The following MYLK4 variants were observed in gnomAD, a reference collection of about 807,000 sequenced individuals.
MYLK4 encodes the protein caMLCK like.
MYLK4 carries 46 observed loss-of-function variants against 48.1 expected under a neutral mutation model. That is an observed-to-expected ratio of 0.96 (90% confidence interval 0.75 to 1.22). The LOEUF (loss-of-function observed/expected upper bound fraction) is 1.22, where lower values mean the gene tolerates loss of function less well. Among genes scored for constraint, MYLK4 ranks in the 50% most tolerant of loss-of-function variants. MYLK4 has a pLI of 0.00. For missense variants in MYLK4, 451 were observed against 486.1 expected (o/e 0.93, Z 0.68); for synonymous variants, 170 against 180.8 (o/e 0.94, Z 0.48).
intron 2 of MYLK4, among the ~76,000 whole-genome samples, chr6:2,720,959 G>A (rs565645705): frequency 2.6e-5 from 4 of 152,048 alleles, no homozygotes; most frequent in East Asian, 3.9e-4. Flanking sequence ...TCAGGAGTTG[G>A]AGACCAGCCT....
chr6:2,768,022 TAAC>T, the MYLK4 span, among the ~76,000 whole-genome samples: 18 of 152,336 alleles, frequency 1.2e-4, no homozygotes, highest in South Asian at 1.2e-3. Context: ...TTAGTACTAA[TAAC>T]AACATTCATA....
At chr6:2,760,180 TAAC>T in the MYLK4 span, among the ~76,000 whole-genome samples, 30 of 152,148 alleles carry the variant, frequency 2.0e-4, 1 homozygote, top group African/African-American at 7.3e-4. Context: ...TACAGTATAA[TAAC>T]TACTTATATA....
intron 2 of MYLK4, 122 bp downstream of exon 2, chr6:2,749,014 G>C: frequency 1.2e-6 from 1 of 863,926 alleles, no homozygotes. Context: ...TCTCACTGAA[G>C]CAAAGTGGAA....
intron 2 of MYLK4, among the ~76,000 whole-genome samples, chr6:2,738,964 C>T (rs1474343445): frequency 1.3e-5 from 2 of 152,182 alleles, no homozygotes; most frequent in African/African-American, 4.8e-5. Context: ...ATATGTCCCA[C>T]TCTATTGGGA....
At chr6:2,764,503 T>C in the MYLK4 span, among the ~76,000 whole-genome samples, 1 of 152,198 alleles carries the variant, frequency 6.6e-6, no homozygotes, top group Non-Finnish European at 1.5e-5. Flanking sequence ...ATTTACCTCT[T>C]CTAGTTACCA....
chr6:2,740,672 G>A (rs1763869874), intron 2 of MYLK4, among the ~76,000 whole-genome samples: 1 of 152,194 alleles, frequency 6.6e-6, no homozygotes. Flanking sequence ...CTTGGGCTCT[G>A]CTTTCTGGTA....
At chr6:2,767,208 C>T in the MYLK4 span, among the ~76,000 whole-genome samples, 9 of 152,090 alleles carry the variant, frequency 5.9e-5, no homozygotes, top group Non-Finnish European at 1.2e-4. Flanking sequence ...GAAAGCATGT[C>T]ATTGGAAAAA....
chr6:2,765,599 G>A, the MYLK4 span: 5 of 1,489,350 alleles, frequency 3.4e-6, no homozygotes, highest in Non-Finnish European at 3.5e-6. Context: ...GCCGCGCCGG[G>A]CGCCGGGGAG....
In MYLK4 at chr6:2,692,817, G is replaced by T; in HGVS notation, c.202C>A (p.Pro68Thr). 1 of 1,613,556 alleles carries T rather than the reference G, an allele frequency of 6.2e-7. No individual in the cohort carries two copies. Among genetic ancestry groups the T allele is most frequent in the Non-Finnish European group, 8.5e-7 (1 of 1,179,790 alleles). ...WSNADLTERMPVKSKRTSALA... is the reference protein window; with the variant it reads ...WSNADLTERMTVKSKRTSALA... Reference sequence around the variant, plus strand: ...GCTGATGTCCTTTTGCTTTTGACGGGCATCCTTTCCGTCAGGTCGGCGTTT... The same window carrying T: ...GCTGATGTCCTTTTGCTTTTGACGGTCATCCTTTCCGTCAGGTCGGCGTTT... The change falls in exon 3 of 13, where the codon CCC becomes ACC. Residue 68 changes from proline to threonine, a missense_variant. Coordinates refer to ENST00000274643, the MANE Select transcript of MYLK4 (RefSeq NM_001012418.5).
In MYLK4 at chr6:2,673,956, G is replaced by T. The variant is rs1285604687; in HGVS notation, c.1119+1091C>A. Reference sequence around the variant, plus strand: ...AAGGAAGCAAAGAAGATGTACGGGGGCTGGCTGGGGCCGCTCCATGGGCAT... The same window carrying T: ...AAGGAAGCAAAGAAGATGTACGGGGTCTGGCTGGGGCCGCTCCATGGGCAT... On this transcript the variant is annotated intron_variant, in intron 11 of 12. Coordinates refer to ENST00000274643, the MANE Select transcript of MYLK4 (RefSeq NM_001012418.5). This position sits in a 1 kb window ranked among gnomAD's most constrained non-coding sequence, Gnocchi z 4.2. Among the ~76,000 whole-genome samples the T allele has an allele frequency of 6.6e-6, 1 of 152,220 alleles. No individual in the cohort carries two copies. The highest frequency in any genetic ancestry group is 1.5e-5 in the Non-Finnish European group (1 of 68,038).
At chr6:2,723,029 C>A (rs916267735) in intron 2 of MYLK4, among the ~76,000 whole-genome samples, 1 of 152,068 alleles carries the variant, frequency 6.6e-6, no homozygotes, top group Admixed American at 6.6e-5. Context: ...TGGTGGCTCA[C>A]ACCTTCGATC....
intron 2 of MYLK4, among the ~76,000 whole-genome samples, chr6:2,748,628 G>A (rs1339828794): frequency 2.0e-5 from 3 of 152,152 alleles, no homozygotes; most frequent in Non-Finnish European, 4.4e-5. Context: ...TCCCAAGAAC[G>A]AGCAGCTGGA....
Position 2,683,082 on chromosome 6 carries a change from T to C in MYLK4, c.626A>G (p.Lys209Arg), listed in dbSNP as rs1761374487. ...GTGCCTTATCCCCTCACATATCTGC[T>C]TCATGAACAGGATGGTATCAAGCTC... is the stretch of plus-strand genomic sequence containing the variant. Reference protein sequence around the residue: ...LTELDTILFMKQICEGIRHMH... With the variant: ...LTELDTILFMRQICEGIRHMH... Residue 209 changes from lysine (K) to arginine (R), a missense_variant, in exon 7 of 13, where the codon AAG (lysine) becomes AGG (arginine). Lys to Arg is a conservative substitution (Grantham distance 26). Transcript: ENST00000274643. 2 of 1,614,048 alleles carry C rather than the reference T, an allele frequency of 1.2e-6. No homozygotes were observed. The highest frequency in any genetic ancestry group is 1.1e-5 in the South Asian group (1 of 91,088).
At chr6:2,698,751 T>C (rs1405132901) in intron 2 of MYLK4, among the ~76,000 whole-genome samples, 2 of 152,238 alleles carry the variant, frequency 1.3e-5, no homozygotes, top group African/African-American at 4.8e-5. Flanking sequence ...AAGATACTTC[T>C]AGAGATTGTT....
At chr6:2,703,516 A>G (rs2147401) in intron 2 of MYLK4, among the ~76,000 whole-genome samples, 128,697 of 152,032 alleles carry the variant, frequency 0.85, 54,564 homozygotes, top group Middle Eastern at 0.88. Context: ...TTCTTAATCT[A>G]TGGGTCTGGG....
At position 2,742,304 on chromosome 6, in the gene MYLK4, G is replaced by A. The variant is rs192285485; in HGVS notation, c.159+6832C>T. Among the ~76,000 whole-genome samples the A allele has an allele frequency of 3.0e-4, 45 of 152,310 alleles. 1 individual carries two copies. Among genetic ancestry groups the A allele is most frequent in the Admixed American group, 2.2e-3 (33 of 15,298 alleles). On this transcript the variant is annotated intron_variant, in intron 2 of 12. Coordinates refer to ENST00000274643, the MANE Select transcript of MYLK4 (RefSeq NM_001012418.5). Reference sequence around the variant, plus strand: ...GACTTCTGAACACCAACAAGATGCCGAGTTGGTGGCTTCTTGTTGAATAAG... The same window carrying A: ...GACTTCTGAACACCAACAAGATGCCAAGTTGGTGGCTTCTTGTTGAATAAG...
chr6:2,766,388 C>T, the MYLK4 span: 16 of 1,607,878 alleles, frequency 1.0e-5, no homozygotes, highest in Non-Finnish European at 1.3e-5. Flanking sequence ...GCGCTCGCTC[C>T]TGGAGACCAA....
At chr6:2,695,997 C>T (rs1762047062) in intron 2 of MYLK4, among the ~76,000 whole-genome samples, 1 of 152,248 alleles carries the variant, frequency 6.6e-6, no homozygotes, top group Non-Finnish European at 1.5e-5. Flanking sequence ...GCTGAATTCA[C>T]ATCGATGGCT....
intron 12 of MYLK4, among the ~76,000 whole-genome samples, chr6:2,669,330 C>A (rs997663071): frequency 6.6e-6 from 1 of 152,230 alleles, no homozygotes; most frequent in South Asian, 2.1e-4. Flanking sequence ...GCACAGCCAT[C>A]GCTTCGTAGG....
Sources: gnomAD v4.1 joint callset for allele counts (sites outside exome capture counted in the v4.1 genomes callset) on GRCh38, gnomAD v4.1.1 for gene constraint, Gnocchi (gnomAD v3.1) non-coding constraint, MANE v1.5 for transcripts, NCBI Gene and HGNC (gene_info 2026-07-23, HGNC 2026-07-21) for gene names.